Variants in ARHGAP15 observed in about 807,000 individuals in gnomAD.
The protein encoded by ARHGAP15 is rho GTPase-activating protein 15.
In ARHGAP15, 51 loss-of-function variants were observed where a neutral mutation model predicts 63.7. That is an observed-to-expected ratio of 0.80 (90% CI 0.64 to 1.01). ARHGAP15 has a LOEUF of 1.01. Ranked by LOEUF, ARHGAP15 falls within the 50% of genes least tolerant of loss-of-function variation. ARHGAP15 has a pLI of 0.00. For missense variants in ARHGAP15, 560 were observed against 564.6 expected (o/e 0.99, Z 0.08); for synonymous variants, 191 against 193.8 (o/e 0.99, Z 0.12).
intron 8 of ARHGAP15, among the ~76,000 whole-genome samples, chr2:143,441,746 T>C (rs138071286): frequency 1.3e-5 from 2 of 152,194 alleles, no homozygotes; most frequent in Non-Finnish European, 2.9e-5. Flanking sequence ...GAAATGAACA[T>C]GAGTTAGAAG....
At chr2:143,129,510 A>C (rs1366205946) in intron 1 of ARHGAP15, 44 bp downstream of exon 1, 1 of 152,204 alleles carries the variant, frequency 6.6e-6, no homozygotes, top group East Asian at 1.9e-4. Context: ...AAACTTGAAC[A>C]TGTTCGGCAG....
intron 6 of ARHGAP15, among the ~76,000 whole-genome samples, chr2:143,341,945 A>T (rs1379819745): frequency 6.6e-6 from 1 of 152,182 alleles, no homozygotes; most frequent in East Asian, 1.9e-4. Context: ...AAAGTTATAT[A>T]GTTTCAAACT....
chr2:143,165,994 GAAA>G (rs879373470), intron 2 of ARHGAP15, among the ~76,000 whole-genome samples: 20,171 of 129,756 alleles, frequency 0.16, 1,769 homozygotes, highest in East Asian at 0.24. Context: ...AAGAAAGAAA[GAAA>G]GAAAGAAGGA....
At chr2:143,374,552 T>A (rs1345064633) in intron 6 of ARHGAP15, among the ~76,000 whole-genome samples, 1 of 152,134 alleles carries the variant, frequency 6.6e-6, no homozygotes, top group East Asian at 1.9e-4. Flanking sequence ...TCACTCAGGC[T>A]GAATTGCAGT....
At chr2:143,290,820 G>A (rs1682359045) in intron 6 of ARHGAP15, among the ~76,000 whole-genome samples, 1 of 152,104 alleles carries the variant, frequency 6.6e-6, no homozygotes, top group African/African-American at 2.4e-5. Flanking sequence ...AAGAGATTTA[G>A]AAATGAGGGA....
intron 7 of ARHGAP15, among the ~76,000 whole-genome samples, chr2:143,435,977 A>T (rs896635422): frequency 1.3e-5 from 2 of 151,104 alleles, no homozygotes; most frequent in African/African-American, 2.5e-5. Flanking sequence ...AAAGCACACA[A>T]GCACTTAATA....
intron 13 of ARHGAP15, among the ~76,000 whole-genome samples, chr2:143,735,604 C>T (rs986623445): frequency 6.6e-6 from 1 of 152,066 alleles, no homozygotes; most frequent in Non-Finnish European, 1.5e-5. Flanking sequence ...ATTATTTGTT[C>T]GTTCCTGATC....
chr2:143,393,595 G>A (rs918343949), intron 6 of ARHGAP15, among the ~76,000 whole-genome samples: 3 of 151,940 alleles, frequency 2.0e-5, no homozygotes, highest in African/African-American at 7.2e-5. Flanking sequence ...GCCAGGCCTG[G>A]TGCTGCGCAC....
At chr2:143,507,807 T>C (rs192159461) in intron 9 of ARHGAP15, among the ~76,000 whole-genome samples, 20 of 152,294 alleles carry the variant, frequency 1.3e-4, no homozygotes, top group Middle Eastern at 3.4e-3. Context: ...CGCTTTCTAC[T>C]CTGTCTCTTC....
At chr2:143,334,953 A>C (rs1424262302) in intron 6 of ARHGAP15, among the ~76,000 whole-genome samples, 5 of 152,208 alleles carry the variant, frequency 3.3e-5, no homozygotes, top group Admixed American at 3.3e-4. Flanking sequence ...TAAAAGGCAA[A>C]CACTGGGATG....
chr2:143,736,096 G>A (rs1015720088), intron 13 of ARHGAP15, among the ~76,000 whole-genome samples: 11 of 152,230 alleles, frequency 7.2e-5, no homozygotes, highest in African/African-American at 2.6e-4. Context: ...TAACCTATAT[G>A]TGTCAGGCGC....
chr2:143,477,553 A>C (rs1051714632), intron 8 of ARHGAP15, among the ~76,000 whole-genome samples: 2 of 152,174 alleles, frequency 1.3e-5, no homozygotes, highest in Admixed American at 1.3e-4. Context: ...CTTGGCATGG[A>C]TATTATTATC....
intron 6 of ARHGAP15, among the ~76,000 whole-genome samples, chr2:143,414,222 G>A (rs1036315606): frequency 2.6e-5 from 4 of 151,478 alleles, no homozygotes; most frequent in South Asian, 2.1e-4. Context: ...AGCCAAAAAC[G>A]AAATGATGAG....
intron 10 of ARHGAP15, among the ~76,000 whole-genome samples, chr2:143,531,905 G>A (rs1276200454): frequency 6.6e-6 from 1 of 152,148 alleles, no homozygotes; most frequent in Non-Finnish European, 1.5e-5. Flanking sequence ...GAATGTGGAT[G>A]GATTAGTATA....
intron 13 of ARHGAP15, among the ~76,000 whole-genome samples, chr2:143,743,917 A>G (rs1009051110): frequency 3.9e-5 from 6 of 152,204 alleles, no homozygotes; most frequent in African/African-American, 1.4e-4. Flanking sequence ...ATAATGAACC[A>G]ATAGATTTAC....
At chr2:143,143,568 T>C (rs1281500545) in intron 1 of ARHGAP15, among the ~76,000 whole-genome samples, 35 of 73,664 alleles carry the variant, frequency 4.8e-4, no homozygotes, top group Non-Finnish European at 7.6e-4. Flanking sequence ...ATTTTCTTTC[T>C]TTTTTTTTTT....
intron 9 of ARHGAP15, among the ~76,000 whole-genome samples, chr2:143,513,085 G>A (rs1158083221): frequency 6.6e-6 from 1 of 152,162 alleles, no homozygotes. Flanking sequence ...CACCTTCTTG[G>A]GTGAGTACAG....
intron 8 of ARHGAP15, among the ~76,000 whole-genome samples, chr2:143,485,463 T>C (rs73005361): frequency 1.3e-3 from 195 of 152,318 alleles, no homozygotes; most frequent in African/African-American, 4.5e-3. Flanking sequence ...GCTATAGATA[T>C]ATAGACATTT....
chr2:143,190,598 T>C (rs899670650), intron 2 of ARHGAP15, among the ~76,000 whole-genome samples: 2 of 152,146 alleles, frequency 1.3e-5, no homozygotes, highest in Non-Finnish European at 2.9e-5. Flanking sequence ...TTGTTTAATT[T>C]TGTCTCATGA....
Sources: gnomAD v4.1 joint callset for allele counts (sites outside exome capture counted in the v4.1 genomes callset) on GRCh38, gnomAD v4.1.1 for gene constraint, MANE v1.5 for transcripts, NCBI Gene and HGNC (gene_info 2026-07-23, HGNC 2026-07-21) for gene names.